The following LINGO2 variants were observed in gnomAD, a reference collection of about 807,000 sequenced individuals.
LINGO2 encodes the protein leucine rich repeat and Ig domain containing 2.
In LINGO2, 14 loss-of-function variants were observed where a neutral mutation model predicts 30.6. The ratio of observed to expected loss-of-function variants is 0.46; its 90% CI spans 0.30 to 0.72. The LOEUF is 0.72. Among genes scored for constraint, LINGO2 ranks in the 30% least tolerant of loss-of-function variants. The pLI, the probability that LINGO2 is intolerant of heterozygous loss-of-function variation, is 0.07. For synonymous variants in LINGO2, 317 were observed against 288.5 expected (o/e 1.10, Z -1.00); for missense variants, 729 against 751.7 (o/e 0.97, Z 0.35).
chr9:28,133,736 T>C (rs1176138920), intron 4 of LINGO2, among the ~76,000 whole-genome samples: 1 of 152,178 alleles, frequency 6.6e-6, no homozygotes, highest in Non-Finnish European at 1.5e-5. Flanking sequence ...TCAATCTTCT[T>C]TCCTGGCTCC....
chr9:28,514,757 A>G (rs1564257842), intron 1 of LINGO2, among the ~76,000 whole-genome samples: 1 of 152,216 alleles, frequency 6.6e-6, no homozygotes, highest in Admixed American at 6.5e-5. Flanking sequence ...AGATCTGGCT[A>G]AGACAGTTGA....
chr9:29,134,446 C>A, the LINGO2 span, among the ~76,000 whole-genome samples: 1 of 151,376 alleles, frequency 6.6e-6, no homozygotes, highest in African/African-American at 2.4e-5. Flanking sequence ...TTTGAAATAA[C>A]CATGTGATTT....
chr9:28,704,097 A>G, the LINGO2 span, among the ~76,000 whole-genome samples: 1 of 152,084 alleles, frequency 6.6e-6, no homozygotes, highest in Admixed American at 6.6e-5. Context: ...AGAACTTTTT[A>G]AAATCATTAT....
chr9:28,018,666 G>C lies in LINGO2; in HGVS notation c.-86-6261C>G, dbSNP rs191736342. Among the ~76,000 whole-genome samples, 13 of 152,112 alleles carry C rather than the reference G, an allele frequency of 8.5e-5. No individual in the cohort carries two copies. In the East Asian group the frequency reaches 2.3e-3, roughly 27 times the overall value. ...GTTACCATCTCACATCAGTCAGAAT[G>C]GCTATTACCAAAAAGTCAAAAAAAA... On this transcript the variant is annotated intron_variant, in intron 4 of 5. Transcript: ENST00000379992.
the LINGO2 span, among the ~76,000 whole-genome samples, chr9:29,181,435 G>GA: frequency 2.7e-5 from 4 of 150,330 alleles, no homozygotes; most frequent in African/African-American, 2.4e-5. Context: ...CTTTAAATTT[G>GA]AAAAAAAAAG....
intron 2 of LINGO2, among the ~76,000 whole-genome samples, chr9:28,452,427 C>A (rs892981357): frequency 2.0e-5 from 3 of 151,748 alleles, no homozygotes; most frequent in African/African-American, 7.3e-5. Flanking sequence ...ATTATGAAGT[C>A]TACTCTTAAA....
intron 1 of LINGO2, among the ~76,000 whole-genome samples, chr9:28,565,503 T>TTA (rs1554638461): frequency 2.1e-5 from 3 of 145,270 alleles, no homozygotes; most frequent in Admixed American, 6.9e-5. Context: ...TTATTTTTAT[T>TTA]TTTTTTTTTT....
chr9:28,802,186 G>A, the LINGO2 span, among the ~76,000 whole-genome samples: 1 of 151,736 alleles, frequency 6.6e-6, no homozygotes, highest in Non-Finnish European at 1.5e-5. Context: ...TCTTTCAATG[G>A]CATATTTCCA....
intron 4 of LINGO2, among the ~76,000 whole-genome samples, chr9:28,043,913 T>C (rs1824303941): frequency 6.6e-6 from 1 of 152,226 alleles, no homozygotes; most frequent in African/African-American, 2.4e-5. Flanking sequence ...TACATTGTGT[T>C]TGAATCAAGA....
chr9:28,866,164 G>T, the LINGO2 span, among the ~76,000 whole-genome samples: 3 of 152,080 alleles, frequency 2.0e-5, no homozygotes, highest in Non-Finnish European at 4.4e-5. Context: ...TATGCACTGA[G>T]AATGAAATGT....
At chr9:29,114,165 G>A in the LINGO2 span, among the ~76,000 whole-genome samples, 1 of 151,234 alleles carries the variant, frequency 6.6e-6, no homozygotes, top group Non-Finnish European at 1.5e-5. Context: ...TTTTTCTTCA[G>A]TTAATAATAT....
chr9:27,991,195 C>G (rs189372734), intron 5 of LINGO2, among the ~76,000 whole-genome samples: 5 of 152,124 alleles, frequency 3.3e-5, no homozygotes, highest in Admixed American at 3.3e-4. Flanking sequence ...ACTCACACTA[C>G]TACATAAGGA....
At chr9:28,819,015 T>C in the LINGO2 span, among the ~76,000 whole-genome samples, 1 of 152,202 alleles carries the variant, frequency 6.6e-6, no homozygotes. Context: ...GTTGTTTTTT[T>C]TCTACCTGAG....
At chr9:28,338,345 A>G (rs554381117) in intron 3 of LINGO2, among the ~76,000 whole-genome samples, 5 of 152,302 alleles carry the variant, frequency 3.3e-5, no homozygotes, top group African/African-American at 1.2e-4. Context: ...CTAGGAAGTA[A>G]CTAACTTGCT....
At chr9:28,292,716 G>A (rs925202694) in intron 4 of LINGO2, among the ~76,000 whole-genome samples, 2 of 151,858 alleles carry the variant, frequency 1.3e-5, no homozygotes, top group East Asian at 3.9e-4. Context: ...CACCTGCCTA[G>A]GTCTCCCAAA....
the LINGO2 span, among the ~76,000 whole-genome samples, chr9:29,053,126 A>G: frequency 6.6e-6 from 1 of 152,112 alleles, no homozygotes; most frequent in Non-Finnish European, 1.5e-5. Flanking sequence ...ATTACAATGT[A>G]CTACTCTTGA....
chr9:28,967,852 G>C, the LINGO2 span, among the ~76,000 whole-genome samples: 1 of 152,160 alleles, frequency 6.6e-6, no homozygotes, highest in Admixed American at 6.5e-5. Flanking sequence ...AAGAGAAAGA[G>C]AGAAGACAGA....
chr9:28,606,070 A>C (rs1825681573), intron 1 of LINGO2, among the ~76,000 whole-genome samples: 2 of 152,046 alleles, frequency 1.3e-5, no homozygotes, highest in Non-Finnish European at 1.5e-5. Flanking sequence ...GGATGCTTAC[A>C]TTTTAATAAC....
At chr9:28,749,206 A>C in the LINGO2 span, among the ~76,000 whole-genome samples, 1 of 152,076 alleles carries the variant, frequency 6.6e-6, no homozygotes, top group Admixed American at 6.5e-5. Context: ...CACACGCATT[A>C]GAATCAGCAC....
Sources: gnomAD v4.1 joint callset for allele counts (sites outside exome capture counted in the v4.1 genomes callset) on GRCh38, gnomAD v4.1.1 for gene constraint, MANE v1.5 for transcripts, NCBI Gene and HGNC (gene_info 2026-07-23, HGNC 2026-07-21) for gene names.